TRAPPC9: variants seen among roughly 807,000 people sequenced by gnomAD.
TRAPPC9 encodes IKK2 binding protein.
Under a neutral mutation model 124.0 loss-of-function variants are expected in TRAPPC9, and 83 were observed. The observed-to-expected ratio is 0.67, with a 90% confidence interval of 0.56 to 0.80. The LOEUF is 0.80. TRAPPC9 is among the 30% of genes least tolerant of loss of function. The pLI is 0.00. For missense variants in TRAPPC9, 1,302 were observed against 1,508.3 expected (o/e 0.86, Z 2.27); for synonymous variants, 638 against 617.5 (o/e 1.03, Z -0.49).
At chr8:139,841,135 G>A (rs985202618) in intron 21 of TRAPPC9, among the ~76,000 whole-genome samples, 3 of 152,150 alleles carry the variant, frequency 2.0e-5, no homozygotes, top group Admixed American at 2.0e-4. Flanking sequence ...TTTTCCTGCT[G>A]AGGGATTTCC....
chr8:139,900,989 TAAATAAATAAATA>T (rs1015052433), intron 20 of TRAPPC9, among the ~76,000 whole-genome samples: 60 of 113,584 alleles, frequency 5.3e-4, no homozygotes, highest in African/African-American at 6.8e-4. Flanking sequence ...AATAAATAAA[TAAATAAATAAATA>T]AAATAAATAA....
At chr8:139,733,087 G>C (rs1244912950) in intron 21 of TRAPPC9, among the ~76,000 whole-genome samples, 1 of 152,152 alleles carries the variant, frequency 6.6e-6, no homozygotes, top group African/African-American at 2.4e-5. Flanking sequence ...GTGAGAATGT[G>C]ACCGTATTGG....
At chr8:139,877,498 G>T (rs1829397730) in intron 21 of TRAPPC9, among the ~76,000 whole-genome samples, 1 of 152,208 alleles carries the variant, frequency 6.6e-6, no homozygotes, top group Non-Finnish European at 1.5e-5. Flanking sequence ...AGCCCGATGT[G>T]CAGATTCGGG....
Position 140,087,682 on chromosome 8 carries a change from C to T in TRAPPC9, c.2557-63603G>A, listed in dbSNP as rs962759886. Among the ~76,000 whole-genome samples, 10 of 152,180 alleles carry T rather than the reference C, an allele frequency of 6.6e-5. No homozygotes were observed. The highest frequency in any genetic ancestry group is 2.6e-4 in the Admixed American group (4 of 15,270). ...CCGCCCTCATCCAAGCCACTGTCAT[C>T]GCTTGTCTGGACAATGCCACTGGCT... On this transcript the variant is annotated intron_variant, in intron 17 of 22. Coordinates refer to ENST00000438773, the MANE Select transcript of TRAPPC9 (RefSeq NM_001160372.4). The surrounding 1 kb of genome is among the most constrained non-coding windows in gnomAD (Gnocchi z 4.6).
intron 17 of TRAPPC9, among the ~76,000 whole-genome samples, chr8:140,218,076 C>T (rs1227513240): frequency 3.3e-5 from 5 of 151,906 alleles, no homozygotes; most frequent in African/African-American, 4.8e-5. Context: ...CAGATAAAAG[C>T]GTGCCAATAA....
chr8:140,197,638 T>C (rs984156221), intron 17 of TRAPPC9, among the ~76,000 whole-genome samples: 3 of 152,220 alleles, frequency 2.0e-5, no homozygotes, highest in African/African-American at 7.2e-5. Context: ...ACCAGATACG[T>C]ATTGACATTT....
chr8:139,903,150 C>T (rs1371568952), intron 20 of TRAPPC9, among the ~76,000 whole-genome samples: 2 of 152,180 alleles, frequency 1.3e-5, no homozygotes, highest in African/African-American at 4.8e-5. Context: ...CATGGTTACA[C>T]CGTCCACATC....
At chr8:140,116,783 G>T (rs2060894807) in intron 17 of TRAPPC9, among the ~76,000 whole-genome samples, 1 of 152,184 alleles carries the variant, frequency 6.6e-6, no homozygotes, top group Non-Finnish European at 1.5e-5. Flanking sequence ...TACCGTAGAG[G>T]TTCCCTACAG....
intron 17 of TRAPPC9, among the ~76,000 whole-genome samples, chr8:140,090,099 A>G (rs147435935): frequency 2.6e-5 from 4 of 151,688 alleles, no homozygotes; most frequent in Middle Eastern, 3.4e-3. Context: ...ACAACACAAC[A>G]ACAACAAAAA....
chr8:140,173,285 T>C (rs989526921), intron 17 of TRAPPC9, among the ~76,000 whole-genome samples: 1 of 152,126 alleles, frequency 6.6e-6, no homozygotes, highest in Admixed American at 6.5e-5. Flanking sequence ...CCGGGCACAG[T>C]GGCTCATGCC....
chr8:139,831,936 G>A (rs1197404731), intron 21 of TRAPPC9, among the ~76,000 whole-genome samples: 8 of 152,208 alleles, frequency 5.3e-5, no homozygotes, highest in African/African-American at 1.9e-4. Context: ...CATTGTCCTG[G>A]CTACGTTTCA....
At chr8:139,845,686 C>T (rs978393677) in intron 21 of TRAPPC9, among the ~76,000 whole-genome samples, 12 of 152,206 alleles carry the variant, frequency 7.9e-5, no homozygotes, top group African/African-American at 2.4e-4. Context: ...CCCAGGGCAA[C>T]GGCAGAGGTA....
chr8:139,858,366 C>T (rs1046021231), intron 21 of TRAPPC9, among the ~76,000 whole-genome samples: 1 of 152,230 alleles, frequency 6.6e-6, no homozygotes, highest in Non-Finnish European at 1.5e-5. Context: ...GCCGTGCCTC[C>T]CCGGGGCCTC....
intron 7 of TRAPPC9, among the ~76,000 whole-genome samples, chr8:140,380,756 T>C (rs2068582074): frequency 6.8e-6 from 1 of 147,194 alleles, no homozygotes. Context: ...ATGCAAAAAC[T>C]AACCCTATAA....
intron 21 of TRAPPC9, among the ~76,000 whole-genome samples, chr8:139,875,159 G>A (rs1158530330): frequency 6.6e-6 from 1 of 152,184 alleles, no homozygotes; most frequent in Non-Finnish European, 1.5e-5. Context: ...CAGGACGGGG[G>A]AAGAAGAGAG....
At chr8:140,002,445 T>C (rs888024783) in intron 18 of TRAPPC9, among the ~76,000 whole-genome samples, 1 of 152,104 alleles carries the variant, frequency 6.6e-6, no homozygotes, top group Admixed American at 6.5e-5. Flanking sequence ...AATGACACTG[T>C]AGATGTAGAC....
intron 21 of TRAPPC9, among the ~76,000 whole-genome samples, chr8:139,866,486 G>A (rs1386707789): frequency 2.6e-5 from 4 of 152,208 alleles, no homozygotes; most frequent in Non-Finnish European, 5.9e-5. Flanking sequence ...GCAGGAACCT[G>A]TGGGATCTCT....
intron 21 of TRAPPC9, among the ~76,000 whole-genome samples, chr8:139,765,439 C>T (rs1053490078): frequency 3.3e-5 from 5 of 152,226 alleles, no homozygotes; most frequent in Non-Finnish European, 5.9e-5. Flanking sequence ...CATCAAAATG[C>T]TCTGAGGCTC....
intron 17 of TRAPPC9, among the ~76,000 whole-genome samples, chr8:140,184,592 T>C (rs943338816): frequency 1.3e-5 from 2 of 152,162 alleles, no homozygotes; most frequent in African/African-American, 4.8e-5. Flanking sequence ...TAAGCCACCA[T>C]GCCTGACTAA....
Sources: allele counts gnomAD v4.1 joint callset (sites outside exome capture counted in the v4.1 genomes callset), GRCh38; gene constraint gnomAD v4.1.1; non-coding constraint Gnocchi (gnomAD v3.1); transcripts MANE v1.5; gene names NCBI Gene and HGNC (gene_info 2026-07-23, HGNC 2026-07-21).